FAT2: variants seen among roughly 807,000 people sequenced by gnomAD.
FAT2 encodes protocadherin Fat 2.
FAT2 carries 150 observed loss-of-function variants against 295.3 expected under a neutral mutation model. That is an observed-to-expected ratio of 0.51 (90% confidence interval 0.44 to 0.58). The LOEUF (loss-of-function observed/expected upper bound fraction) is 0.58. Ranked by LOEUF, FAT2 falls within the 20% of genes least tolerant of loss-of-function variation. The pLI, the probability that FAT2 is intolerant of heterozygous loss-of-function variation, is 0.00. For synonymous variants in FAT2, 2,026 were observed against 2,150.3 expected, an observed-to-expected ratio of 0.94 and a Z score of 1.60; for missense variants, 4,868 against 5,442.7, an observed-to-expected ratio of 0.89 and a Z score of 3.32.
intron 23 of FAT2, among the ~76,000 whole-genome samples, chr5:151,506,791 C>G (rs575170004): frequency 6.6e-6 from 1 of 152,350 alleles, no homozygotes; most frequent in African/African-American, 2.4e-5. Context: ...CACTTCCACA[C>G]TGGGCAACCA....
intron 5 of FAT2, 69 bp from the exon 6 acceptor site, chr5:151,553,456 A>G (rs1273565354): frequency 7.3e-7 from 1 of 1,371,486 alleles, no homozygotes; most frequent in Non-Finnish European, 1.0e-6. Flanking sequence ...CAGCCAGGAC[A>G]GGAACCAGAG....
chr5:151,536,801 C>T (rs1258300623), intron 12 of FAT2, among the ~76,000 whole-genome samples: 1 of 152,180 alleles, frequency 6.6e-6, no homozygotes, highest in South Asian at 2.1e-4. Context: ...ATGTTCTTGG[C>T]CATGACACTC....
At position 151,512,101 on chromosome 5, in the gene FAT2, C is replaced by A. The variant is rs766585796; in HGVS notation, c.11905+64G>T. ...GCTCTGAGATCTCCACCCTGACATG[C>A]TTTTCCCACCTGAAGAGCCTTCTGG... On this transcript the variant is annotated intron_variant, in intron 21 of 23. Coordinates refer to ENST00000261800, the MANE Select transcript of FAT2 (RefSeq NM_001447.3). The surrounding 1 kb of genome is among the most constrained non-coding windows in gnomAD (Gnocchi z 4.1). 264 of 1,488,994 alleles carry A rather than the reference C, an allele frequency of 1.8e-4. No individual in the cohort carries two copies. Among genetic ancestry groups the A allele is most frequent in the Non-Finnish European group, 2.2e-4 (242 of 1,092,982 alleles). The allele number at this position is 1,488,994 out of a possible 1,614,324, so 92.2% of individuals were successfully genotyped here. A position where few individuals can be genotyped will look rare whatever the true frequency, so the allele number is the denominator to read the frequency against.
chr5:151,510,089 T>C lies in FAT2; in HGVS notation c.11991A>G (p.Glu3997=), dbSNP rs997282780. The C allele has an allele frequency of 5.0e-6, 8 of 1,614,088 alleles. No individual in the cohort carries two copies. The African/African-American group carries it at 6.7e-5, about 13-fold the overall frequency. ...RENCTFAPCL[E]GGTCILSPKG... is the part of the protein sequence containing the mutation. The stretch of plus-strand genomic sequence containing the variant: ...TGGGGGAGAGGATGCAAGTTCCACC[T>C]TCCAGGCAGGGTGCAAAAGTACAGT... The change falls in exon 22 of 24, where the codon GAA becomes GAG. Residue 3997 remains glutamate, a synonymous_variant. Transcript: ENST00000261800.
At chr5:151,562,740 C>G (rs925790801) in intron 3 of FAT2, among the ~76,000 whole-genome samples, 5 of 152,204 alleles carry the variant, frequency 3.3e-5, no homozygotes, top group African/African-American at 1.2e-4. Flanking sequence ...AAACAAAACA[C>G]CTCTAAGAGC....
rs1417737693 is a variant in FAT2, at chr5:151,531,863, G to A, written c.9535C>T (p.Pro3179Ser). 6.2e-7 allele frequency: 1 copy of A among 1,614,166 alleles called. No homozygotes were observed. The highest frequency in any genetic ancestry group is 1.3e-5 in the African/African-American group (1 of 75,074). Reference sequence around the variant, plus strand: ...ACCGTGAGCTCCAGTGGTGCCTGGGGCCTGACCTGCAGCGGCTTTTCCAGG... The same window carrying A: ...ACCGTGAGCTCCAGTGGTGCCTGGGACCTGACCTGCAGCGGCTTTTCCAGG... ...IRLEKPLQVR[P>S]QAPLELTVRA... Residue 3179 changes from proline (P) to serine (S), a missense_variant, in exon 14 of 24, where the codon CCC becomes TCC. Physicochemically the swap from Pro to Ser is moderately conservative, Grantham distance 74. Around this residue, in one of 5 missense-constraint regions of FAT2, gnomAD observed 1,046 missense variants for 1,210.1 expected, o/e 0.86. Transcript: ENST00000261800. The surrounding 1 kb of genome is among the most constrained non-coding windows in gnomAD (Gnocchi z 5.7).
At chr5:151,528,310 G>T (rs532336775) in intron 15 of FAT2, among the ~76,000 whole-genome samples, 177 bp from the exon 16 acceptor site, 1 of 152,168 alleles carries the variant, frequency 6.6e-6, no homozygotes, top group African/African-American at 2.4e-5. Context: ...ACTTCAGCAT[G>T]CCATGGTTTA....
At chr5:151,523,539 A>G (rs1031603958) in intron 18 of FAT2, among the ~76,000 whole-genome samples, 27 of 152,176 alleles carry the variant, frequency 1.8e-4, no homozygotes, top group Non-Finnish European at 2.8e-4. Flanking sequence ...TTGCTGGCCT[A>G]TGGTGCCTCC....
chr5:151,565,623 A>T lies in FAT2; in HGVS notation c.3259+50T>A, dbSNP rs2127644211. 4 of 1,496,146 alleles carry T rather than the reference A, an allele frequency of 2.7e-6. No homozygotes were observed. The South Asian group carries it at 5.6e-5, about 21-fold the overall frequency. 92.7% of individuals were successfully genotyped at this position (1,496,146 alleles called of 1,614,324 possible). ...CCGCAGGCTGACTTCTTTTTCCTTC[A>T]GCCCATCTACCTCTGGCCCTGGCAC... On this transcript the variant is annotated intron_variant, in intron 2 of 23. Coordinates refer to ENST00000261800, the MANE Select transcript of FAT2 (RefSeq NM_001447.3).
At chr5:151,525,286 A>G (rs1019221121) in intron 18 of FAT2, among the ~76,000 whole-genome samples, 1 of 152,184 alleles carries the variant, frequency 6.6e-6, no homozygotes, top group Non-Finnish European at 1.5e-5. Flanking sequence ...TGAAACCCAT[A>G]ACACCACCAC....
In FAT2 at chr5:151,531,667, G is replaced by T. The variant is rs761269768; in HGVS notation, c.9731C>A (p.Thr3244Asn). 1.2e-5 allele frequency: 19 copies of T among 1,613,696 alleles called. No homozygotes were observed. The highest frequency in any genetic ancestry group is 1.6e-5 in the Non-Finnish European group (19 of 1,179,932). The change falls in exon 14 of 24, where the codon ACT becomes AAT. Residue 3244 changes from threonine (T) to asparagine (N), a missense_variant. Coordinates refer to ENST00000261800, the MANE Select transcript of FAT2 (RefSeq NM_001447.3). This position sits in a 1 kb window ranked among gnomAD's most constrained non-coding sequence, Gnocchi z 5.7. ...GTEVLQLATLTRPGAEKTGYR... is the reference protein window; with the variant it reads ...GTEVLQLATLNRPGAEKTGYR... ...GCCGGTCTTCTCTGCGCCCGGGCGA[G>T]TGAGGGTGGCCAGCTGCAGCACCTC...
rs1434273214 is a variant in FAT2 at position 151,505,129 on chromosome 5, G to A, written c.*436C>T. ...AGAGCTCCTCTGTACGGCCCGCGTA[G>A]TGGTTGTCTGTCAGGCACCAACCTG... On this transcript the variant is annotated 3_prime_UTR_variant, in exon 24 of 24. Transcript: ENST00000261800. 1 of 267,200 alleles carries A rather than the reference G, an allele frequency of 3.7e-6. No homozygotes were observed. Among genetic ancestry groups the A allele is most frequent in the Non-Finnish European group, 7.2e-6 (1 of 138,294 alleles). 16.6% of individuals were successfully genotyped at this position (267,200 alleles called of 1,614,324 possible).
intron 1 of FAT2, among the ~76,000 whole-genome samples, chr5:151,582,540 G>A (rs1759001671): frequency 6.6e-6 from 1 of 152,150 alleles, no homozygotes. Context: ...AGTTCCCTGG[G>A]TGATTTTGGT....
chr5:151,551,003 G>T, intron 7 of FAT2, 132 bp from the exon 8 acceptor site: 2 of 783,948 alleles, frequency 2.6e-6, no homozygotes, highest in Non-Finnish European at 4.1e-6. Context: ...ATAAATATTT[G>T]TTGAATGAAT....
intron 5 of FAT2, among the ~76,000 whole-genome samples, chr5:151,553,787 G>T (rs571308477): frequency 2.0e-5 from 3 of 152,250 alleles, no homozygotes; most frequent in African/African-American, 7.2e-5. Context: ...AGCTTTGTGC[G>T]CAATATCTGA....
chr5:151,573,360 A>G (rs1292542934), intron 1 of FAT2, among the ~76,000 whole-genome samples: 2 of 152,278 alleles, frequency 1.3e-5, no homozygotes, highest in Non-Finnish European at 2.9e-5. Flanking sequence ...GTTTGTGGAT[A>G]ATAAAAACTT....
At position 151,543,976 on chromosome 5, in the gene FAT2, T is replaced by A; in HGVS notation, c.7151A>T (p.Tyr2384Phe). The change falls in exon 10 of 24, where the codon TAT (tyrosine) becomes TTT (phenylalanine). Residue 2384 changes from tyrosine (Y) to phenylalanine (F), a missense_variant. Physicochemically the swap from Tyr to Phe is conservative, Grantham distance 22. Transcript: ENST00000261800. Reference sequence around the variant, plus strand: ...TGCCAGTTCACTGACATTGGCTTCATATTGAGGTTGTCTGAACTCTGGGGG... The same window carrying A: ...TGCCAGTTCACTGACATTGGCTTCAAATTGAGGTTGTCTGAACTCTGGGGG... ...DNPPEFRQPQ[Y>F]EANVSELATC... 2 of 1,614,206 alleles carry A rather than the reference T, an allele frequency of 1.2e-6. No homozygotes were observed. The highest frequency in any genetic ancestry group is 3.3e-5 in the Admixed American group (2 of 60,022).
rs769441689 is a variant in FAT2 at position 151,563,644 on chromosome 5, G to A, written c.3260-5C>T. 1.8e-5 allele frequency: 29 copies of A among 1,609,412 alleles called. No individual in the cohort carries two copies. The highest frequency in any genetic ancestry group is 7.6e-6 in the Non-Finnish European group (9 of 1,178,820). On this transcript the variant is annotated splice_region_variant and splice_polypyrimidine_tract_variant and intron_variant, in intron 2 of 23. Transcript: ENST00000261800. ...GTGCCAGAGTCTGAATCATTCCTAG[G>A]GACAGTAAGTCAGCAAACCCAAAAT...
chr5:151,550,530 T>C (rs1581415902), intron 8 of FAT2, 60 bp downstream of exon 8: 2 of 1,564,942 alleles, frequency 1.3e-6, no homozygotes, highest in East Asian at 2.2e-5. Context: ...TCTCCAAGCA[T>C]GTCCACCCCT....
Sources: gnomAD v4.1 joint callset for allele counts (sites outside exome capture counted in the v4.1 genomes callset) on GRCh38, gnomAD v4.1.1 for gene constraint, gnomAD v4.1.1 regional missense constraint, Gnocchi (gnomAD v3.1) non-coding constraint, MANE v1.5 for transcripts, NCBI Gene and HGNC (gene_info 2026-07-23, HGNC 2026-07-21) for gene names.